The following TTI1 variants were observed in gnomAD, a reference collection of about 807,000 sequenced individuals.
The protein encoded by TTI1 is TELO2 interacting protein 1.
In TTI1, 52 loss-of-function variants were observed where a neutral mutation model predicts 85.4. The ratio of observed to expected loss-of-function variants is 0.61; its 90% confidence interval spans 0.49 to 0.77. TTI1 has a LOEUF of 0.77. TTI1 is among the 30% of genes least tolerant of loss of function. The probability of loss-of-function intolerance (pLI) is 0.00; values close to 1 mark genes in which losing one functional copy is unlikely to be tolerated. For missense variants in TTI1, 1,173 were observed against 1,296.0 expected (o/e 0.91, Z 1.46); for synonymous variants, 512 against 503.9 (o/e 1.02, Z -0.22).
At chr20:37,986,194 C>A (rs968926544) in intron 7 of TTI1, among the ~76,000 whole-genome samples, 8 of 152,142 alleles carry the variant, frequency 5.3e-5, no homozygotes, top group Non-Finnish European at 1.0e-4. Flanking sequence ...CAAGCTACAG[C>A]GTGGTGCTCT....
chr20:37,983,027 T>C lies in TTI1; in HGVS notation c.*429A>G, dbSNP rs553775037. On this transcript the variant is annotated 3_prime_UTR_variant, in exon 8 of 8. Coordinates refer to ENST00000373447, the MANE Select transcript of TTI1 (RefSeq NM_001303457.2). Reference sequence around the variant, plus strand: ...CAAAGTGAGCTTTTGATCATACTTTTCATCCAAGAAGTGTCTTTATTTCCG... The same window carrying C: ...CAAAGTGAGCTTTTGATCATACTTTCCATCCAAGAAGTGTCTTTATTTCCG... 6.4e-6 allele frequency: 1 copy of C among 156,174 alleles called. No individual in the cohort carries two copies. The highest frequency in any genetic ancestry group is 1.4e-5 in the Non-Finnish European group (1 of 70,344). The allele number at this position is 156,174 out of a possible 1,614,324, so 9.7% of individuals were successfully genotyped here.
intron 1 of TTI1, among the ~76,000 whole-genome samples, chr20:38,014,610 A>C (rs2073654655): frequency 6.6e-6 from 1 of 152,180 alleles, no homozygotes; most frequent in African/African-American, 2.4e-5. Flanking sequence ...GTACCCAGAG[A>C]GATGGGAAAA....
chr20:38,019,687 G>C (rs2073735360), intron 1 of TTI1, among the ~76,000 whole-genome samples: 1 of 152,216 alleles, frequency 6.6e-6, no homozygotes, highest in Admixed American at 6.5e-5. Flanking sequence ...ATGGCAGACA[G>C]AAGTCTGAAG....
At chr20:38,005,202 T>C (rs1219792367) in intron 3 of TTI1, among the ~76,000 whole-genome samples, 3 of 151,992 alleles carry the variant, frequency 2.0e-5, no homozygotes, top group African/African-American at 7.2e-5. Context: ...AAAAGAAACG[T>C]TTTATTCCAA....
In TTI1 at chr20:38,003,826, T is replaced by TG. The variant is rs1347577938; in HGVS notation, c.2504-1051dup. Among the ~76,000 whole-genome samples, 3 of 152,122 alleles carry TG rather than the reference T, an allele frequency of 2.0e-5. No homozygotes were observed. The East Asian group carries it at 5.8e-4, about 29-fold the overall frequency. On this transcript the variant is annotated intron_variant, in intron 3 of 7. Transcript: ENST00000373447. ...CCTTGAAGCTGGGAAGTTCCATGGC[T>TG]GGCCTCTGCTCTGTCCTTCACTTTT...
Position 37,994,563 on chromosome 20 carries a change from T to C in TTI1, c.3086+1812A>G, listed in dbSNP as rs142559556. ...TTCTTCTCCCACTTAGAGAGCTTAT[T>C]AATTTCAGCATCAAGATGCCAAATC... On this transcript the variant is annotated intron_variant, in intron 7 of 7. Transcript: ENST00000373447. Among the ~76,000 whole-genome samples, 1,210 of 149,720 alleles carry C rather than the reference T, an allele frequency of 8.1e-3. 6 individuals are homozygous for C. The highest frequency in any genetic ancestry group is 0.023 in the African/African-American group (944 of 40,840).
At chr20:38,028,027 C>T (rs1243463168) in intron 1 of TTI1, among the ~76,000 whole-genome samples, 1 of 152,088 alleles carries the variant, frequency 6.6e-6, no homozygotes, top group African/African-American at 2.4e-5. Flanking sequence ...CTTGAGTAGG[C>T]TGAGGAGGAG....
chr20:38,020,645 A>G (rs1185039435), intron 1 of TTI1, among the ~76,000 whole-genome samples: 1 of 152,128 alleles, frequency 6.6e-6, no homozygotes, highest in Non-Finnish European at 1.5e-5. Context: ...TTTTTAAAAA[A>G]TCATTTAAAA....
intron 7 of TTI1, among the ~76,000 whole-genome samples, chr20:37,986,258 G>C (rs1015328103): frequency 1.3e-5 from 2 of 152,184 alleles, no homozygotes; most frequent in Non-Finnish European, 2.9e-5. Flanking sequence ...GCGGTGCCAC[G>C]ACCCAGTTCA....
intron 7 of TTI1, 26 bp downstream of exon 7, chr20:37,996,349 G>A: frequency 6.2e-7 from 1 of 1,612,762 alleles, no homozygotes; most frequent in South Asian, 1.1e-5. Context: ...AAACGTAAAG[G>A]GATGCGGGTG....
At chr20:37,986,569 C>G (rs2073193108) in intron 7 of TTI1, among the ~76,000 whole-genome samples, 1 of 152,194 alleles carries the variant, frequency 6.6e-6, no homozygotes, top group Non-Finnish European at 1.5e-5. Context: ...ATGCACGTTC[C>G]TTCTCCCACC....
At chr20:38,001,489 G>C (rs1049757354) in intron 4 of TTI1, among the ~76,000 whole-genome samples, 1 of 152,214 alleles carries the variant, frequency 6.6e-6, no homozygotes, top group Admixed American at 6.5e-5. Flanking sequence ...TATGTTGAAT[G>C]TATCAGCCAG....
chr20:38,031,539 T>G (rs1188050453), intron 1 of TTI1, among the ~76,000 whole-genome samples: 2 of 152,210 alleles, frequency 1.3e-5, no homozygotes, highest in Non-Finnish European at 2.9e-5. Flanking sequence ...CCTCCTTATC[T>G]CCTTGATTTT....
In TTI1 at chr20:38,013,487, T is replaced by C. The variant is rs2073635363; in HGVS notation, c.330A>G (p.Gln110=). ...LSACLYSPSS[Q]KPAAVSEELK... ...ACTCCTCGGACACAGCCGCAGGTTT[T>C]TGGGAGCTGGGTGAATACAGACAAG... Residue 110 remains glutamine, a synonymous_variant, in exon 2 of 8, where the codon CAA becomes CAG. Coordinates refer to ENST00000373447, the MANE Select transcript of TTI1 (RefSeq NM_001303457.2). 1 of 1,614,000 alleles carries C rather than the reference T, an allele frequency of 6.2e-7. No individual in the cohort carries two copies. The highest frequency in any genetic ancestry group is 8.5e-7 in the Non-Finnish European group (1 of 1,180,020).
chr20:37,999,131 C>T lies in TTI1; in HGVS notation c.2793+57G>A, dbSNP rs549034761. 15 of 1,323,578 alleles carry T rather than the reference C, an allele frequency of 1.1e-5. No individual in the cohort carries two copies. The East Asian group carries it at 1.4e-4, about 12-fold the overall frequency. 82.0% of individuals were successfully genotyped at this position (1,323,578 alleles called of 1,614,324 possible). A position where few individuals can be genotyped will look rare whatever the true frequency, so the allele number is the denominator to read the frequency against. On this transcript the variant is annotated intron_variant, in intron 5 of 7. Coordinates refer to ENST00000373447, the MANE Select transcript of TTI1 (RefSeq NM_001303457.2). Reference sequence around the variant, plus strand: ...AACCAATCCAAAAGGCCCCGGTGAGCTCTGTGCCTACTAACTCTACCCTCA... The same window carrying T: ...AACCAATCCAAAAGGCCCCGGTGAGTTCTGTGCCTACTAACTCTACCCTCA...
intron 7 of TTI1, among the ~76,000 whole-genome samples, chr20:37,990,751 T>TC (rs2073252149): frequency 6.6e-6 from 1 of 152,164 alleles, no homozygotes; most frequent in Admixed American, 6.5e-5. Context: ...ACCCACTTTG[T>TC]GCAGGCGGTG....
At position 37,999,301 on chromosome 20, in the gene TTI1, C is replaced by A. The variant is rs765595533; in HGVS notation, c.2680G>T (p.Val894Phe). The change falls in exon 5 of 8, where the codon GTT becomes TTT. Residue 894 changes from valine to phenylalanine, a missense_variant. Physicochemically the swap from Val to Phe is conservative, Grantham distance 50. Transcript: ENST00000373447. ...KVLDVLDLCV[V>F]VLQSHKNQLL... ...TGGTTTTTGTGGGACTGAAGAACAA[C>A]CACACACAGATCCAGCACATCCAAG... 1.5e-5 allele frequency: 23 copies of A among 1,487,216 alleles called. No individual in the cohort carries two copies. The highest frequency in any genetic ancestry group is 4.5e-5 in the Admixed American group (2 of 44,638). The allele number at this position is 1,487,216 out of a possible 1,614,324, so 92.1% of individuals were successfully genotyped here.
chr20:37,992,620 G>A (rs546564718), intron 7 of TTI1, among the ~76,000 whole-genome samples: 1 of 152,112 alleles, frequency 6.6e-6, no homozygotes, highest in Non-Finnish European at 1.5e-5. Context: ...GTCTAGTTTT[G>A]TTTCCTTTTA....
At chr20:37,989,732 C>T (rs1289626860) in intron 7 of TTI1, among the ~76,000 whole-genome samples, 2 of 152,250 alleles carry the variant, frequency 1.3e-5, no homozygotes, top group South Asian at 2.1e-4. Flanking sequence ...GGTATGTACC[C>T]TTGAAGATAA....
Sources: gnomAD v4.1 joint callset for allele counts (sites outside exome capture counted in the v4.1 genomes callset) on GRCh38, gnomAD v4.1.1 for gene constraint, MANE v1.5 for transcripts, NCBI Gene and HGNC (gene_info 2026-07-23, HGNC 2026-07-21) for gene names.